CCDC146: variants seen among roughly 807,000 people sequenced by gnomAD.
The protein encoded by CCDC146 is coiled-coil domain containing 146, also known as coiled-coil domain-containing protein 146.
Under a neutral mutation model 119.3 loss-of-function variants are expected in CCDC146, and 92 were observed. The observed-to-expected ratio is 0.77, with a 90% CI of 0.65 to 0.92. The LOEUF (loss-of-function observed/expected upper bound fraction) is 0.92, where lower values mean the gene tolerates loss of function less well. CCDC146 is among the 40% of genes least tolerant of loss of function. CCDC146 has a pLI of 0.00. For missense variants in CCDC146, 1,000 were observed against 1,103.0 expected, an observed-to-expected ratio of 0.91 and a Z score of 1.32; for synonymous variants, 372 against 371.8, an observed-to-expected ratio of 1.00 and a Z score of -0.01.
At chr7:77,284,917 C>T (rs933110761) in intron 15 of CCDC146, among the ~76,000 whole-genome samples, 2 of 151,880 alleles carry the variant, frequency 1.3e-5, no homozygotes, top group African/African-American at 2.4e-5. Flanking sequence ...ATTTCTGTGC[C>T]CTGTTCTGCA....
chr7:77,129,259 A>C (rs925629786), intron 1 of CCDC146, among the ~76,000 whole-genome samples: 3 of 152,106 alleles, frequency 2.0e-5, no homozygotes, highest in Non-Finnish European at 4.4e-5. Flanking sequence ...ATTGTCACTC[A>C]GTAGCTTAGC....
intron 4 of CCDC146, among the ~76,000 whole-genome samples, chr7:77,250,084 A>G (rs1322340011): frequency 6.6e-6 from 1 of 152,232 alleles, no homozygotes; most frequent in Non-Finnish European, 1.5e-5. Flanking sequence ...TTTAAGTAAC[A>G]AAATAGTCCT....
chr7:77,252,607 T>G (rs765139774), intron 4 of CCDC146, among the ~76,000 whole-genome samples: 88 of 152,122 alleles, frequency 5.8e-4, no homozygotes, highest in Non-Finnish European at 1.0e-3. Flanking sequence ...AAATTAAACA[T>G]AAAAATTTGG....
chr7:77,198,892 A>G, intron 2 of CCDC146: 1 of 458,818 alleles, frequency 2.2e-6, no homozygotes, highest in East Asian at 3.5e-5. Context: ...GCACTAAAAC[A>G]TCAAGAAATT....
At chr7:77,244,139 A>G (rs1792902143) in intron 4 of CCDC146, among the ~76,000 whole-genome samples, 1 of 152,206 alleles carries the variant, frequency 6.6e-6, no homozygotes, top group African/African-American at 2.4e-5. Context: ...ATGTAAAAGT[A>G]AAAAGAAATT....
chr7:77,128,398 G>A (rs1790738587), intron 1 of CCDC146, among the ~76,000 whole-genome samples: 1 of 151,944 alleles, frequency 6.6e-6, no homozygotes, highest in East Asian at 1.9e-4. Context: ...TTCCTTCTGT[G>A]CAAAGTAATT....
At chr7:77,212,451 C>A (rs1792203180) in intron 2 of CCDC146, among the ~76,000 whole-genome samples, 1 of 151,628 alleles carries the variant, frequency 6.6e-6, no homozygotes, top group South Asian at 2.1e-4. Context: ...GAAACCCTGT[C>A]TCTACTAAAA....
chr7:77,183,739 C>T (rs1791623777), intron 2 of CCDC146, among the ~76,000 whole-genome samples: 1 of 152,206 alleles, frequency 6.6e-6, no homozygotes, highest in African/African-American at 2.4e-5. Flanking sequence ...GCACTTACCT[C>T]ATGTCACTTA....
intron 15 of CCDC146, among the ~76,000 whole-genome samples, chr7:77,283,341 A>G (rs533554802): frequency 1.3e-5 from 2 of 152,372 alleles, no homozygotes; most frequent in Non-Finnish European, 2.9e-5. Flanking sequence ...AACATGAAAT[A>G]ACAAAATAAA....
At chr7:77,220,212 G>T (rs889904093) in intron 2 of CCDC146, among the ~76,000 whole-genome samples, 1 of 152,164 alleles carries the variant, frequency 6.6e-6, no homozygotes, top group Non-Finnish European at 1.5e-5. Context: ...TTTTCCCAGG[G>T]CTGTTCCTCG....
At chr7:77,189,647 C>G (rs951607199) in intron 2 of CCDC146, among the ~76,000 whole-genome samples, 3 of 152,140 alleles carry the variant, frequency 2.0e-5, no homozygotes, top group African/African-American at 7.2e-5. Context: ...TGTTCATCCC[C>G]AACCACCCAA....
intron 11 of CCDC146, 82 bp downstream of exon 11, chr7:77,274,734 T>G (rs1232528566): frequency 2.8e-6 from 3 of 1,075,116 alleles, no homozygotes; most frequent in Non-Finnish European, 4.0e-6. Context: ...CATTAGGACA[T>G]GGATGAAGCT....
At chr7:77,146,826 T>A (rs1026970484) in intron 1 of CCDC146, among the ~76,000 whole-genome samples, 1 of 152,242 alleles carries the variant, frequency 6.6e-6, no homozygotes, top group Non-Finnish European at 1.5e-5. Context: ...GACCTTTCTC[T>A]CTGGCTGCCC....
chr7:77,177,758 T>A (rs1309281508), intron 2 of CCDC146, among the ~76,000 whole-genome samples: 5 of 152,192 alleles, frequency 3.3e-5, no homozygotes, highest in Admixed American at 2.0e-4. Flanking sequence ...TTTATAAACC[T>A]TCCTGCAAAT....
chr7:77,164,458 A>G lies in CCDC146; in HGVS notation c.-11-3200A>G, dbSNP rs186299786. The stretch of plus-strand genomic sequence containing the variant: ...AAAAAAGCAAACATGTGTTAAAGAA[A>G]GGGAAGTCAAATGATACCACTGGCT... On this transcript the variant is annotated intron_variant, in intron 1 of 18. Coordinates refer to ENST00000285871, the MANE Select transcript of CCDC146 (RefSeq NM_020879.3). 5.3e-5 allele frequency among the ~76,000 whole-genome samples: 8 copies of G among 152,366 alleles called. No homozygotes were observed. In the East Asian group the frequency reaches 1.4e-3, roughly 26 times the overall value.
chr7:77,247,035 G>A (rs1193113113), intron 4 of CCDC146, among the ~76,000 whole-genome samples: 1 of 152,086 alleles, frequency 6.6e-6, no homozygotes, highest in Non-Finnish European at 1.5e-5. Flanking sequence ...TTAATTAAAT[G>A]TTAGGTAAAA....
chr7:77,159,064 G>T (rs1791219801), intron 1 of CCDC146, among the ~76,000 whole-genome samples: 1 of 152,102 alleles, frequency 6.6e-6, no homozygotes, highest in South Asian at 2.1e-4. Flanking sequence ...TTGGGGATAA[G>T]TATACATCCA....
At chr7:77,251,104 C>T (rs905332852) in intron 4 of CCDC146, among the ~76,000 whole-genome samples, 1 of 151,718 alleles carries the variant, frequency 6.6e-6, no homozygotes, top group Non-Finnish European at 1.5e-5. Flanking sequence ...TCACTGCAAC[C>T]TCTGCCTCCC....
intron 4 of CCDC146, among the ~76,000 whole-genome samples, chr7:77,251,675 G>C (rs1161603709): frequency 6.6e-6 from 1 of 152,108 alleles, no homozygotes; most frequent in Non-Finnish European, 1.5e-5. Context: ...ATATGTAATG[G>C]GAGCCCACAG....
Sources: allele counts gnomAD v4.1 joint callset (sites outside exome capture counted in the v4.1 genomes callset), GRCh38; gene constraint gnomAD v4.1.1; transcripts MANE v1.5; gene names NCBI Gene and HGNC (gene_info 2026-07-23, HGNC 2026-07-21).